The following WDPCP variants were observed in gnomAD, a reference collection of about 807,000 sequenced individuals.
The protein encoded by WDPCP is WD repeat containing planar cell polarity effector.
Under a neutral mutation model 93.1 loss-of-function variants are expected in WDPCP, and 71 were observed. The ratio of observed to expected loss-of-function variants is 0.76; its 90% CI spans 0.63 to 0.93. The LOEUF is 0.93. Ranked by LOEUF, WDPCP falls within the 40% of genes least tolerant of loss-of-function variation. WDPCP has a pLI of 0.00. For missense variants in WDPCP, 844 were observed against 887.4 expected, an observed-to-expected ratio of 0.95 and a Z score of 0.62; for synonymous variants, 315 against 315.0, an observed-to-expected ratio of 1.00 and a Z score of 0.00.
At chr2:63,424,642 G>C (rs553485536) in intron 9 of WDPCP, among the ~76,000 whole-genome samples, 17 of 152,330 alleles carry the variant, frequency 1.1e-4, no homozygotes, top group Admixed American at 9.1e-4. Context: ...ACAGCTCAGG[G>C]GAGCCAAGCT....
intron 13 of WDPCP, among the ~76,000 whole-genome samples, chr2:63,268,941 C>G (rs2677438): frequency 0.81 from 123,074 of 152,120 alleles, 50,571 homozygotes; most frequent in East Asian, 0.96. Flanking sequence ...CCCATAAACA[C>G]ACACAATTGT....
intron 13 of WDPCP, among the ~76,000 whole-genome samples, chr2:63,282,553 A>C (rs560623974): frequency 2.2e-4 from 34 of 152,342 alleles, no homozygotes; most frequent in African/African-American, 8.2e-4. Flanking sequence ...GGAACAGAAT[A>C]GAGAACTCAG....
intron 2 of WDPCP, among the ~76,000 whole-genome samples, chr2:63,651,491 A>C (rs1250089611): frequency 2.1e-5 from 3 of 145,800 alleles, no homozygotes; most frequent in Non-Finnish European, 3.0e-5. Flanking sequence ...TTATTTTAAG[A>C]AATAAGAAAT....
intron 9 of WDPCP, among the ~76,000 whole-genome samples, chr2:63,408,614 G>A (rs1694784480): frequency 6.6e-6 from 1 of 152,266 alleles, no homozygotes; most frequent in South Asian, 2.1e-4. Flanking sequence ...GGAGAAGCAA[G>A]CCCTTTTCTT....
chr2:63,342,699 C>A, intron 12 of WDPCP, among the ~76,000 whole-genome samples: 1 of 152,094 alleles, frequency 6.6e-6, no homozygotes, highest in East Asian at 1.9e-4. Flanking sequence ...TATATTGTAT[C>A]CCCATTTACA....
intron 2 of WDPCP, among the ~76,000 whole-genome samples, chr2:63,740,387 A>T (rs1424958380): frequency 6.6e-6 from 1 of 152,112 alleles, no homozygotes; most frequent in East Asian, 1.9e-4. Flanking sequence ...ATTTGACTAG[A>T]TTTAAGTTAT....
intron 14 of WDPCP, chr2:63,233,066 A>G (rs1180656794): frequency 6.5e-6 from 1 of 154,804 alleles, no homozygotes; most frequent in Non-Finnish European, 1.4e-5. Flanking sequence ...CGTTCAAGCC[A>G]AAGGAGCTAG....
chr2:63,575,350 T>TAC (rs1485309353), intron 1 of WDPCP, among the ~76,000 whole-genome samples: 22 of 129,438 alleles, frequency 1.7e-4, no homozygotes, highest in East Asian at 1.5e-3. Context: ...ATACTGTATA[T>TAC]GGTATATACA....
intron 2 of WDPCP, among the ~76,000 whole-genome samples, chr2:63,723,616 T>C (rs1669458543): frequency 1.3e-5 from 2 of 152,212 alleles, no homozygotes; most frequent in South Asian, 4.1e-4. Flanking sequence ...CAAATGAATA[T>C]ATATTAATGT....
chr2:63,662,007 G>C (rs77682812), intron 2 of WDPCP, among the ~76,000 whole-genome samples: 5,214 of 152,262 alleles, frequency 0.034, 123 homozygotes, highest in Middle Eastern at 0.058. Flanking sequence ...TAGAGACAAG[G>C]TAAGAGGGGA....
intron 1 of WDPCP, among the ~76,000 whole-genome samples, chr2:63,515,133 T>C (rs1702471609): frequency 6.6e-6 from 1 of 152,162 alleles, no homozygotes; most frequent in Non-Finnish European, 1.5e-5. Context: ...ATATACATAT[T>C]TTAACTGTAA....
chr2:63,528,640 A>T (rs1426824854), intron 1 of WDPCP, among the ~76,000 whole-genome samples: 1 of 152,214 alleles, frequency 6.6e-6, no homozygotes, highest in African/African-American at 2.4e-5. Context: ...GTTTGAAGTC[A>T]GGTAGCATGA....
At chr2:63,271,725 G>A (rs2699399) in intron 13 of WDPCP, among the ~76,000 whole-genome samples, 122,928 of 152,120 alleles carry the variant, frequency 0.81, 50,437 homozygotes, top group East Asian at 0.96. Context: ...ATTTGAGGAC[G>A]TGGGGAATCA....
intron 14 of WDPCP, among the ~76,000 whole-genome samples, chr2:63,247,702 A>G (rs1277065428): frequency 6.6e-6 from 1 of 151,852 alleles, no homozygotes; most frequent in East Asian, 1.9e-4. Flanking sequence ...CCACCAAACA[A>G]ACCCCAAATC....
chr2:63,367,583 GTTGAATAAAT>G, intron 12 of WDPCP, among the ~76,000 whole-genome samples: 1 of 152,266 alleles, frequency 6.6e-6, no homozygotes, highest in Non-Finnish European at 1.5e-5. Flanking sequence ...TAGCAGGATA[GTTGAATAAAT>G]TATGGTAGTC....
intron 14 of WDPCP, among the ~76,000 whole-genome samples, chr2:63,198,980 G>A (rs1675674800): frequency 6.6e-6 from 1 of 152,160 alleles, no homozygotes; most frequent in Admixed American, 6.5e-5. Flanking sequence ...ACTGGGAACT[G>A]GAGTAAAGTC....
At chr2:63,601,742 G>A (rs1709422589) in intron 3 of WDPCP, among the ~76,000 whole-genome samples, 1 of 152,166 alleles carries the variant, frequency 6.6e-6, no homozygotes, top group Admixed American at 6.5e-5. Flanking sequence ...ACTGAGGGTG[G>A]AGAGGCCTAG....
intron 12 of WDPCP, among the ~76,000 whole-genome samples, chr2:63,316,409 T>A (rs1003210576): frequency 5.9e-5 from 9 of 152,120 alleles, no homozygotes; most frequent in African/African-American, 2.2e-4. Flanking sequence ...CCCAGCACTC[T>A]GGGAGGCCGA....
chr2:63,362,765 A>G (rs1325907617), intron 12 of WDPCP, among the ~76,000 whole-genome samples: 3 of 152,112 alleles, frequency 2.0e-5, no homozygotes, highest in Admixed American at 6.5e-5. Context: ...CCTAGGGTCA[A>G]GTGATCCTCC....
Sources: allele counts gnomAD v4.1 joint callset (sites outside exome capture counted in the v4.1 genomes callset), GRCh38; gene constraint gnomAD v4.1.1; transcripts MANE v1.5; gene names NCBI Gene and HGNC (gene_info 2026-07-23, HGNC 2026-07-21).